FRMPD1: variants seen among roughly 807,000 people sequenced by gnomAD.
FRMPD1 encodes FERM and PDZ domain-containing protein 1.
A neutral mutation model predicts 117.8 loss-of-function variants in FRMPD1; 76 were observed. That is an observed-to-expected ratio of 0.65 (90% CI 0.54 to 0.78). The LOEUF (loss-of-function observed/expected upper bound fraction) is 0.78. Ranked by LOEUF, FRMPD1 falls within the 30% of genes least tolerant of loss-of-function variation. The pLI is 0.00. For missense variants in FRMPD1, 1,786 were observed against 1,964.5 expected (o/e 0.91, Z 1.72); for synonymous variants, 783 against 770.4 (o/e 1.02, Z -0.27).
rs1248629805 is a variant in FRMPD1, at chr9:37,740,586, ACCAGAACTGAGCACAGTCAGGCTGGACC to A, written c.2063_2090del (p.Glu688GlyfsTer23). ...CTGCTTTGGAGACATTTGGCTGGGCACCAGAACTGAGCACAGTCAGGCTGGACCCCAGGCTGTATGAAGGCAGCCACGC... is the reference window on the plus strand; with the variant it reads ...CTGCTTTGGAGACATTTGGCTGGGCACCAGGCTGTATGAAGGCAGCCACGC... On this transcript the variant is annotated frameshift_variant, in exon 15 of 16. Coordinates refer to ENST00000377765, the MANE Select transcript of FRMPD1 (RefSeq NM_014907.3). LOFTEE classifies it high-confidence loss of function. The surrounding 1 kb of genome is among the most constrained non-coding windows in gnomAD (Gnocchi z 4.2). 3 of 1,614,090 alleles carry A rather than the reference ACCAGAACTGAGCACAGTCAGGCTGGACC, an allele frequency of 1.9e-6. No homozygotes were observed. In the African/African-American group the frequency reaches 4.0e-5, roughly 22 times the overall value.
chr9:37,627,772 AC>A, the FRMPD1 span, among the ~76,000 whole-genome samples: 1 of 152,218 alleles, frequency 6.6e-6, no homozygotes, highest in Non-Finnish European at 1.5e-5. Flanking sequence ...GTTTTGGGAT[AC>A]TTGGTGGTGA....
chr9:37,658,585 C>A (rs943796304), intron 1 of FRMPD1, among the ~76,000 whole-genome samples: 2 of 152,158 alleles, frequency 1.3e-5, no homozygotes, highest in African/African-American at 4.8e-5. Flanking sequence ...TAAGGGGAAT[C>A]CTTCCTTTGT....
chr9:37,610,082 T>C, the FRMPD1 span, among the ~76,000 whole-genome samples: 1 of 152,338 alleles, frequency 6.6e-6, no homozygotes, highest in East Asian at 1.9e-4. Context: ...CTTGCCACCA[T>C]TGAACATACT....
intron 1 of FRMPD1, among the ~76,000 whole-genome samples, chr9:37,665,834 G>A (rs1588909613): frequency 6.6e-6 from 1 of 152,158 alleles, no homozygotes; most frequent in Non-Finnish European, 1.5e-5. Flanking sequence ...CTGGACCCCA[G>A]CAGCCACATG....
At chr9:37,616,887 C>T in the FRMPD1 span, among the ~76,000 whole-genome samples, 586 of 152,266 alleles carry the variant, frequency 3.8e-3, 9 homozygotes, top group African/African-American at 0.014. Flanking sequence ...GCTGGTGTTC[C>T]TGGGGTATAT....
rs748743413 is a variant in FRMPD1, at chr9:37,740,534, G to T, written c.2006G>T (p.Cys669Phe). Residue 669 changes from cysteine (C) to phenylalanine (F), a missense_variant, in exon 15 of 16, where the codon TGC becomes TTC. By Grantham distance (205) the Cys-to-Phe change is radical. Coordinates refer to ENST00000377765, the MANE Select transcript of FRMPD1 (RefSeq NM_014907.3). This position sits in a 1 kb window ranked among gnomAD's most constrained non-coding sequence, Gnocchi z 4.2. ...LDLAQRANPQCQKTEFSESAA... is the reference protein window; with the variant it reads ...LDLAQRANPQFQKTEFSESAA... ...CTGGCCCAGAGAGCCAACCCCCAGT[G>T]CCAGAAGACAGAGTTTTCCGAGAGT... The T allele has an allele frequency of 6.2e-7, 1 of 1,614,212 alleles. No homozygotes were observed. Among genetic ancestry groups the T allele is most frequent in the South Asian group, 1.1e-5 (1 of 91,080 alleles).
intron 5 of FRMPD1, among the ~76,000 whole-genome samples, chr9:37,718,750 C>T (rs1422009052): frequency 6.6e-6 from 1 of 152,200 alleles, no homozygotes; most frequent in Non-Finnish European, 1.5e-5. Context: ...AGATAGTTCT[C>T]ACAACTATTG....
intron 1 of FRMPD1, among the ~76,000 whole-genome samples, chr9:37,687,960 A>G (rs986336099): frequency 1.3e-5 from 2 of 152,146 alleles, no homozygotes; most frequent in African/African-American, 4.8e-5. Flanking sequence ...ATTTTTGTAG[A>G]AAAGATGTAT....
At chr9:37,717,870 A>C (rs1388859192) in intron 5 of FRMPD1, among the ~76,000 whole-genome samples, 4 of 152,146 alleles carry the variant, frequency 2.6e-5, no homozygotes, top group Non-Finnish European at 5.9e-5. Flanking sequence ...GAGGTATGGG[A>C]GTCTTCAGCT....
chr9:37,723,234 T>C (rs1823473794), intron 6 of FRMPD1, among the ~76,000 whole-genome samples: 1 of 152,140 alleles, frequency 6.6e-6, no homozygotes, highest in Non-Finnish European at 1.5e-5. Flanking sequence ...TGTTGAACAG[T>C]GTGCATGCTG....
chr9:37,740,825 G>A lies in FRMPD1; in HGVS notation c.2297G>A (p.Ser766Asn). Reference protein sequence around the residue: ...LHPPLAFEDGSSDEEYYDAAD... With the variant: ...LHPPLAFEDGNSDEEYYDAAD... Reference sequence around the variant, plus strand: ...CCACCACTGGCCTTTGAGGATGGCAGCTCAGATGAGGAATACTATGACGCG... The same window carrying A: ...CCACCACTGGCCTTTGAGGATGGCAACTCAGATGAGGAATACTATGACGCG... The change falls in exon 15 of 16, where the codon AGC becomes AAC. Residue 766 changes from serine (S) to asparagine (N), a missense_variant. Transcript: ENST00000377765. This position sits in a 1 kb window ranked among gnomAD's most constrained non-coding sequence, Gnocchi z 4.2. 1 of 1,614,170 alleles carries A rather than the reference G, an allele frequency of 6.2e-7. No homozygotes were observed. The highest frequency in any genetic ancestry group is 8.5e-7 in the Non-Finnish European group (1 of 1,179,996).
At chr9:37,724,103 A>C in intron 6 of FRMPD1, 122 bp from the exon 7 acceptor site, 8 of 482,198 alleles carry the variant, frequency 1.7e-5, no homozygotes, top group Non-Finnish European at 7.5e-6. Context: ...TGAACCTGGG[A>C]GTCAGAGGTT....
chr9:37,609,041 A>C, the FRMPD1 span, among the ~76,000 whole-genome samples: 1 of 152,240 alleles, frequency 6.6e-6, no homozygotes, highest in Admixed American at 6.5e-5. Context: ...CTGTAATCCC[A>C]GCACTTTGGG....
In FRMPD1 at chr9:37,719,286, A is replaced by C. The variant is rs562493744; in HGVS notation, c.516+110A>C. ...AGCACAGAGGGTGCAGAGGAAGTGC[A>C]GTGTGTTTGCAAGAGGCTTTGTGCG... On this transcript the variant is annotated intron_variant, in intron 6 of 15. Transcript: ENST00000377765. 1.7e-4 allele frequency: 119 copies of C among 719,544 alleles called. No homozygotes were observed. The African/African-American group carries it at 2.0e-3, about 12-fold the overall frequency. The allele number at this position is 719,544 out of a possible 1,614,324, so 44.6% of individuals were successfully genotyped here.
In FRMPD1 at chr9:37,746,181, C is replaced by G; in HGVS notation, c.4149C>G (p.Ala1383=). ...CGGTGGTTCTGCCCTGGAGGCCTGC[C>G]CGAGCCCACAGCTGCACCACCGCAC... ...GSPVVLPWRP[A]RAHSCTTAPL... is the part of the protein sequence containing the mutation. Residue 1383 remains alanine (A), a synonymous_variant, in exon 16 of 16, where the codon GCC becomes GCG. Transcript: ENST00000377765. 6 of 1,613,474 alleles carry G rather than the reference C, an allele frequency of 3.7e-6. No homozygotes were observed. Among genetic ancestry groups the G allele is most frequent in the Non-Finnish European group, 5.1e-6 (6 of 1,179,922 alleles).
intron 1 of FRMPD1, among the ~76,000 whole-genome samples, chr9:37,657,265 T>A (rs904470785): frequency 5.9e-5 from 9 of 152,248 alleles, no homozygotes; most frequent in Non-Finnish European, 1.2e-4. Flanking sequence ...CCCCTGCCAG[T>A]TGAAACCCCT....
the FRMPD1 span, among the ~76,000 whole-genome samples, chr9:37,644,524 T>C: frequency 6.6e-6 from 1 of 152,160 alleles, no homozygotes; most frequent in Non-Finnish European, 1.5e-5. Context: ...AGCAGGGAGC[T>C]GGGTAAGAGA....
At chr9:37,725,989 C>T (rs545825861) in intron 7 of FRMPD1, among the ~76,000 whole-genome samples, 9 of 152,244 alleles carry the variant, frequency 5.9e-5, no homozygotes, top group Admixed American at 5.9e-4. Context: ...TAAAGCAAGT[C>T]CCCCTTTGGT....
At position 37,660,238 on chromosome 9, in the gene FRMPD1, C is replaced by A. The variant is rs570666797; in HGVS notation, c.-5+9144C>A. On this transcript the variant is annotated intron_variant, in intron 1 of 15. Coordinates refer to ENST00000377765, the MANE Select transcript of FRMPD1 (RefSeq NM_014907.3). Reference sequence around the variant, plus strand: ...ACCTGCGGCTGGAAGTAAGTCAGTGCTGGGCAGGGTGCTGTGCTTTGCAGA... The same window carrying A: ...ACCTGCGGCTGGAAGTAAGTCAGTGATGGGCAGGGTGCTGTGCTTTGCAGA... Among the ~76,000 whole-genome samples, 34 of 152,266 alleles carry A rather than the reference C, an allele frequency of 2.2e-4. 1 individual carries two copies. In the South Asian group the frequency reaches 5.6e-3, roughly 25 times the overall value.
Sources: gnomAD v4.1 joint callset for allele counts (sites outside exome capture counted in the v4.1 genomes callset) on GRCh38, gnomAD v4.1.1 for gene constraint, Gnocchi (gnomAD v3.1) non-coding constraint, MANE v1.5 for transcripts, NCBI Gene and HGNC (gene_info 2026-07-23, HGNC 2026-07-21) for gene names.